Variants in APC observed in about 807,000 individuals in gnomAD.
APC encodes APC regulator of Wnt signaling pathway, also known as adenomatous polyposis coli protein.
In APC, 72 loss-of-function variants were observed where a neutral mutation model predicts 247.0. The observed-to-expected ratio is 0.29, with a 90% CI of 0.24 to 0.35. The LOEUF (loss-of-function observed/expected upper bound fraction) is 0.35. Ranked by LOEUF, APC falls within the 10% of genes least tolerant of loss-of-function variation. The pLI is 1.00. For synonymous variants in APC, 1,254 were observed against 1,162.5 expected (o/e 1.08, Z -1.60); for missense variants, 3,400 against 3,360.7 (o/e 1.01, Z -0.29).
intron 6 of APC, among the ~76,000 whole-genome samples, chr5:112,790,323 G>A (rs79234008): frequency 6.6e-6 from 1 of 151,264 alleles, no homozygotes. Flanking sequence ...TTGGGGGGTG[G>A]GGGTTGTTTT....
rs371478422 is a variant in APC at position 112,707,584 on chromosome 5, TC to T, written c.-133del. On this transcript the variant is annotated 5_prime_UTR_variant, in exon 1 of 14. Transcript: ENST00000507379. ...TGGCCGCCGGAAGCCTAGCCGCTGC[TC>T]GGGGGGGACCTGCGGGCTCAGGCCC... 1.4e-5 allele frequency: 14 copies of T among 967,184 alleles called. No individual in the cohort carries two copies. Among genetic ancestry groups the T allele is most frequent in the African/African-American group, 3.3e-5 (2 of 61,312 alleles). 59.9% of individuals were successfully genotyped at this position (967,184 alleles called of 1,614,324 possible). A position where few individuals can be genotyped will look rare whatever the true frequency, so the allele number is the denominator to read the frequency against.
At chr5:112,759,784 C>G (rs997928060) in intron 2 of APC, among the ~76,000 whole-genome samples, 1 of 152,174 alleles carries the variant, frequency 6.6e-6, no homozygotes, top group Non-Finnish European at 1.5e-5. Flanking sequence ...TTCTCTCCTT[C>G]AAAATTACAT....
rs1331837747 is a variant in APC at position 112,840,172 on chromosome 5, T to A, written c.4578T>A (p.Pro1526=). Reference sequence around the variant, plus strand: ...AAGATGTGGAATTAAGAATAATGCCTCCAGTTCAGGAAAATGACAATGGGA... The same window carrying A: ...AAGATGTGGAATTAAGAATAATGCCACCAGTTCAGGAAAATGACAATGGGA... ...IQKDVELRIM[P]PVQENDNGNE... Residue 1526 remains proline (P), a synonymous_variant, in exon 16 of 16, where the codon CCT becomes CCA. Transcript: ENST00000257430. This position sits in a 1 kb window ranked among gnomAD's most constrained non-coding sequence, Gnocchi z 4.1. 1 of 1,614,056 alleles carries A rather than the reference T, an allele frequency of 6.2e-7. No homozygotes were observed. Among genetic ancestry groups the A allele is most frequent in the Non-Finnish European group, 8.5e-7 (1 of 1,179,994 alleles).
At chr5:112,809,851 G>C (rs1289771762) in intron 8 of APC, among the ~76,000 whole-genome samples, 5 of 152,096 alleles carry the variant, frequency 3.3e-5, no homozygotes, top group African/African-American at 1.2e-4. Context: ...ACAAAAATTA[G>C]CTGGGCGTGG....
rs185847962 is a variant in APC at position 112,745,565 on chromosome 5, T to C, written c.-19+7640T>C. Reference sequence around the variant, plus strand: ...ATATTCACTTTATTATTATTATTATTATTATTATTATTTTTTGAGACGGAG... The same window carrying C: ...ATATTCACTTTATTATTATTATTATCATTATTATTATTTTTTGAGACGGAG... On this transcript the variant is annotated intron_variant, in intron 1 of 15. Coordinates refer to ENST00000257430, the MANE Select transcript of APC (RefSeq NM_000038.6). Among the ~76,000 whole-genome samples, 10 of 151,104 alleles carry C rather than the reference T, an allele frequency of 6.6e-5. 1 individual carries two copies. Among genetic ancestry groups the C allele is most frequent in the Admixed American group, 6.0e-4 (9 of 15,126 alleles).
intron 1 of APC, among the ~76,000 whole-genome samples, chr5:112,721,179 C>T (rs1177927197): frequency 2.6e-5 from 4 of 151,968 alleles, no homozygotes; most frequent in African/African-American, 7.3e-5. Context: ...TTTGGGAAGC[C>T]GAGGTGGGTG....
At chr5:112,726,706 T>C (rs958377935) in intron 1 of APC, among the ~76,000 whole-genome samples, 10 of 152,292 alleles carry the variant, frequency 6.6e-5, no homozygotes, top group Admixed American at 5.9e-4. Flanking sequence ...GTCCGTATCA[T>C]GTTGAGAGGG....
At chr5:112,811,443 C>A (rs987820134) in intron 8 of APC, among the ~76,000 whole-genome samples, 1 of 152,188 alleles carries the variant, frequency 6.6e-6, no homozygotes, top group Non-Finnish European at 1.5e-5. Context: ...TGGCTCAGGT[C>A]TAGCCTTAAT....
In APC at chr5:112,838,570, T is replaced by C. The variant is rs776646018; in HGVS notation, c.2976T>C (p.Ser992=). ...SIESYSEDDE[S]KFCSYGQYPA... is the part of the protein sequence containing the mutation. Reference sequence around the variant, plus strand: ...AATCCTATTCTGAAGATGATGAAAGTAAGTTTTGCAGTTATGGTCAATACC... The same window carrying C: ...AATCCTATTCTGAAGATGATGAAAGCAAGTTTTGCAGTTATGGTCAATACC... Residue 992 remains serine (S), a synonymous_variant, in exon 16 of 16, where the codon AGT becomes AGC. Transcript: ENST00000257430. 6.2e-6 allele frequency: 10 copies of C among 1,614,170 alleles called. No individual in the cohort carries two copies. The highest frequency in any genetic ancestry group is 8.5e-6 in the Non-Finnish European group (10 of 1,180,026).
At position 112,771,361 on chromosome 5, in the gene APC, G is replaced by A. The variant is rs11241185; in HGVS notation, c.422+3971G>A. 0.4 allele frequency among the ~76,000 whole-genome samples: 60,995 copies of A among 151,786 alleles called. 14,771 individuals carry two copies. Among genetic ancestry groups the A allele is most frequent in the East Asian group, 0.66 (3,426 of 5,164 alleles). On this transcript the variant is annotated intron_variant, in intron 4 of 15. Transcript: ENST00000257430. ...CCAATGAATTTTTCTGATCTAATTT[G>A]TACCATTTGCTTCCTGAGCCTGCTA...
chr5:112,780,940 A>C, intron 6 of APC, 37 bp downstream of exon 6: 1 of 1,308,776 alleles, frequency 7.6e-7, no homozygotes, highest in East Asian at 2.4e-5. Context: ...AACAGCGAAG[A>C]GCTATTAGGA....
chr5:112,842,014 A>G lies in APC; in HGVS notation c.6420A>G (p.Ser2140=), dbSNP rs2149964521. The G allele has an allele frequency of 1.2e-6, 2 of 1,613,346 alleles. No homozygotes were observed. The highest frequency in any genetic ancestry group is 1.7e-6 in the Non-Finnish European group (2 of 1,179,282). ...SDSDSILSLK[S]GISLGSPFHL... ...CAGATTCCATCCTTTCCCTGAAATC[A>G]GGAATCTCTCTGGGATCACCATTTC... is the stretch of plus-strand genomic sequence containing the variant. Residue 2140 remains serine, a synonymous_variant, in exon 16 of 16, where the codon TCA becomes TCG. Coordinates refer to ENST00000257430, the MANE Select transcript of APC (RefSeq NM_000038.6).
Position 112,799,045 on chromosome 5 carries a change from A to C in APC, c.730-2234A>C, listed in dbSNP as rs1001347689. On this transcript the variant is annotated intron_variant, in intron 7 of 15. Transcript: ENST00000257430. ...ACCAACATGGTGAAACCCTGTCTCT[A>C]CTAAAAATACAAAACATAACCAGCA... Among the ~76,000 whole-genome samples, 10 of 152,146 alleles carry C rather than the reference A, an allele frequency of 6.6e-5. No individual in the cohort carries two copies. The South Asian group carries it at 1.9e-3, about 28-fold the overall frequency.
chr5:112,777,283 C>G (rs1031559576), intron 5 of APC, among the ~76,000 whole-genome samples: 1 of 150,720 alleles, frequency 6.6e-6, no homozygotes, highest in East Asian at 1.9e-4. Flanking sequence ...CACACACACA[C>G]GAAAAAAAAA....
rs587779793 is a variant in APC at position 112,840,087 on chromosome 5, A to T, written c.4493A>T (p.Asp1498Val). The T allele has an allele frequency of 6.2e-7, 1 of 1,614,160 alleles. No individual in the cohort carries two copies. The highest frequency in any genetic ancestry group is 8.5e-7 in the Non-Finnish European group (1 of 1,180,020). Residue 1498 changes from aspartate (D) to valine (V), a missense_variant, in exon 16 of 16, where the codon GAT (aspartate) becomes GTT (valine). Around this residue, in one of 9 missense-constraint regions of APC, gnomAD observed 1,788 missense variants for 1,649.5 expected, o/e 1.08. Transcript: ENST00000257430. This position sits in a 1 kb window ranked among gnomAD's most constrained non-coding sequence, Gnocchi z 4.1. Reference sequence around the variant, plus strand: ...CATTTTGCCACGGAAAGTACTCCAGATGGATTTTCTTGTTCATCCAGCCTG... The same window carrying T: ...CATTTTGCCACGGAAAGTACTCCAGTTGGATTTTCTTGTTCATCCAGCCTG... ...LLHFATESTP[D>V]GFSCSSSLSA...
chr5:112,791,258 G>A (rs2149680062), intron 6 of APC, among the ~76,000 whole-genome samples: 1 of 152,196 alleles, frequency 6.6e-6, no homozygotes, highest in South Asian at 2.1e-4. Context: ...TCCATATAGT[G>A]GAAAAGCAAA....
intron 1 of APC, among the ~76,000 whole-genome samples, chr5:112,721,405 C>A (rs1315202176): frequency 6.6e-6 from 1 of 151,916 alleles, no homozygotes; most frequent in South Asian, 2.1e-4. Flanking sequence ...CAGTGAGATT[C>A]CATCTCAAAA....
At chr5:112,748,812 A>G (rs182952211) in intron 1 of APC, among the ~76,000 whole-genome samples, 22 of 152,196 alleles carry the variant, frequency 1.4e-4, no homozygotes, top group Admixed American at 9.8e-4. Context: ...GACTCCATCT[A>G]TTTAAAAAAC....
chr5:112,842,570 C>G lies in APC; in HGVS notation c.6976C>G (p.Arg2326Gly), dbSNP rs1060503355. The G allele has an allele frequency of 1.2e-6, 2 of 1,613,674 alleles. No individual in the cohort carries two copies. The highest frequency in any genetic ancestry group is 1.7e-6 in the Non-Finnish European group (2 of 1,179,656). ...PLSRPIQSPGRNSISPGRNGI... is the reference protein window; with the variant it reads ...PLSRPIQSPGGNSISPGRNGI... The stretch of plus-strand genomic sequence containing the variant: ...AAGTAGACCTATACAGTCTCCTGGC[C>G]GAAACTCAATTTCCCCTGGTAGAAA... Residue 2326 changes from arginine (R) to glycine (G), a missense_variant, in exon 16 of 16, where the codon CGA becomes GGA. Arg to Gly is a moderately radical substitution (Grantham distance 125). This residue lies in a region of APC where 1,788 missense variants were observed against 1,649.5 expected (regional missense o/e 1.08). Transcript: ENST00000257430.
Sources: gnomAD v4.1 joint callset for allele counts (sites outside exome capture counted in the v4.1 genomes callset) on GRCh38, gnomAD v4.1.1 for gene constraint, gnomAD v4.1.1 regional missense constraint, Gnocchi (gnomAD v3.1) non-coding constraint, MANE v1.5 for transcripts, NCBI Gene and HGNC (gene_info 2026-07-23, HGNC 2026-07-21) for gene names.